Variants in ZNF75D observed in about 807,000 individuals in gnomAD.
ZNF75D encodes the protein zinc finger protein 75D, also known as zinc finger protein 75.
Under a neutral mutation model 33.3 loss-of-function variants are expected in ZNF75D, and 33 were observed. That is an observed-to-expected ratio of 0.99 (90% confidence interval 0.75 to 1.32). The LOEUF (loss-of-function observed/expected upper bound fraction) is 1.32. ZNF75D is among the 40% of genes most tolerant of loss of function. The pLI is 0.00. For synonymous variants in ZNF75D, 113 were observed against 130.6 expected (o/e 0.87, Z 0.92); for missense variants, 338 against 367.5 (o/e 0.92, Z 0.66).
At chrX:135,258,672 T>C in intron 1 of ZNF75D, among the ~76,000 whole-genome samples, 1 of 111,994 alleles carries the variant, frequency 8.9e-6, no homozygotes, top group Non-Finnish European at 1.9e-5. Context: ...TTTCTTTGAG[T>C]TCTTTGTAGA....
chrX:135,258,819 T>C (rs1556414971), intron 1 of ZNF75D, among the ~76,000 whole-genome samples: 1 of 112,380 alleles, frequency 8.9e-6, no homozygotes, highest in Non-Finnish European at 1.9e-5. Flanking sequence ...TTTGTATATT[T>C]TGGCTTTTGT....
intron 1 of ZNF75D, among the ~76,000 whole-genome samples, chrX:135,259,253 G>A (rs912627294): frequency 7.2e-5 from 8 of 111,723 alleles, no homozygotes; most frequent in Non-Finnish European, 1.5e-4. Context: ...TGCTCTCTTG[G>A]CTTAGGATTG....
intron 1 of ZNF75D, among the ~76,000 whole-genome samples, chrX:135,265,685 C>T (rs148179785): frequency 6.8e-4 from 76 of 111,833 alleles, no homozygotes; most frequent in African/African-American, 2.4e-3. Flanking sequence ...TCATAAACAC[C>T]AGGCCTCTAC....
intron 1 of ZNF75D, among the ~76,000 whole-genome samples, chrX:135,308,153 G>A (rs2084311710): frequency 8.9e-6 from 1 of 112,092 alleles, no homozygotes; most frequent in Non-Finnish European, 1.9e-5. Context: ...GGTGATGGTT[G>A]TCAGTATTTG....
At chrX:135,324,939 G>A (rs1276096833) in intron 1 of ZNF75D, among the ~76,000 whole-genome samples, 1 of 110,796 alleles carries the variant, frequency 9.0e-6, no homozygotes, top group Non-Finnish European at 1.9e-5. Context: ...CCTGACCATC[G>A]GCCATGGTGT....
chrX:135,315,452 G>C (rs1556431023), intron 1 of ZNF75D, among the ~76,000 whole-genome samples: 1 of 112,273 alleles, frequency 8.9e-6, no homozygotes, highest in Non-Finnish European at 1.9e-5. Context: ...ACGTCTGTTA[G>C]GTCCATTTGG....
chrX:135,325,138 A>G (rs1481512327), intron 1 of ZNF75D, among the ~76,000 whole-genome samples: 2 of 109,873 alleles, frequency 1.8e-5, no homozygotes, highest in Admixed American at 1.9e-4. Flanking sequence ...GGCTGAGGTG[A>G]CCACATGATA....
chrX:135,274,501 T>A (rs1602588475), intron 1 of ZNF75D, among the ~76,000 whole-genome samples: 1 of 111,969 alleles, frequency 8.9e-6, no homozygotes, highest in East Asian at 2.8e-4. Flanking sequence ...AGTAATTTAA[T>A]GTTAGCTAAA....
At chrX:135,294,395 A>G in intron 2 of ZNF75D, 137 bp from the exon 3 acceptor site, 3 of 297,712 alleles carry the variant, frequency 1.0e-5, no homozygotes, top group Non-Finnish European at 1.8e-5. Context: ...GCCAAGAATT[A>G]GAACATTCAT....
At position 135,291,042 on chromosome X, in the gene ZNF75D, T is replaced by A. The variant is rs149882628; in HGVS notation, c.790A>T (p.Met264Leu). 171 of 1,207,108 alleles carry A rather than the reference T, an allele frequency of 1.4e-4. No homozygotes were observed. The African/African-American group carries it at 2.7e-3, about 19-fold the overall frequency. ...PLEKTLYNDV[M>L]QDIYETVISL... ...ATGACAGTCTCATAGATATCCTGCA[T>A]TACATCATTGTAGAGAGTCTTCTCA... The change falls in exon 6 of 7, where the codon ATG (methionine) becomes TTG (leucine). Residue 264 changes from methionine to leucine, a missense_variant. Met to Leu is a conservative substitution (Grantham distance 15). Coordinates refer to ENST00000370766, the MANE Select transcript of ZNF75D (RefSeq NM_007131.5).
chrX:135,290,825 A>G (rs1407646006), intron 6 of ZNF75D, among the ~76,000 whole-genome samples, 184 bp downstream of exon 6: 1 of 112,539 alleles, frequency 8.9e-6, no homozygotes, highest in East Asian at 2.8e-4. Flanking sequence ...TGCAGAAGTG[A>G]GACAGGTATT....
intron 1 of ZNF75D, among the ~76,000 whole-genome samples, chrX:135,257,638 G>T (rs2083811470): frequency 8.9e-6 from 1 of 112,615 alleles, no homozygotes; most frequent in Non-Finnish European, 1.9e-5. Flanking sequence ...TGCTGTGATG[G>T]CTTCACGTCA....
chrX:135,270,352 C>CATATAT (rs530211370), intron 1 of ZNF75D, among the ~76,000 whole-genome samples: 1,699 of 63,175 alleles, frequency 0.027, 26 homozygotes, highest in Non-Finnish European at 0.04. Flanking sequence ...CAAAATATCT[C>CATATAT]ATATATATAT....
At chrX:135,325,532 G>A (rs1051905996) in intron 1 of ZNF75D, among the ~76,000 whole-genome samples, 12 of 112,032 alleles carry the variant, frequency 1.1e-4, no homozygotes, top group African/African-American at 3.9e-4. Context: ...TGGGCTTGGC[G>A]GGCCCCGCAC....
chrX:135,294,135 C>T lies in ZNF75D; in HGVS notation c.6G>A (p.Ala2=), dbSNP rs782634281. 7 of 1,185,354 alleles carry T rather than the reference C, an allele frequency of 5.9e-6. No homozygotes were observed. The highest frequency in any genetic ancestry group is 4.8e-5 in the Admixed American group (2 of 41,967). The change falls in exon 3 of 7, where the codon GCG becomes GCA. Residue 2 remains alanine (A), a synonymous_variant. Coordinates refer to ENST00000370766, the MANE Select transcript of ZNF75D (RefSeq NM_007131.5). The stretch of plus-strand genomic sequence containing the variant: ...ATGAATCCGCGTTCAGCTCTCTCAT[C>T]GCCATTTGCTCTAGGAACAGTTTTA... M[A]MRELNADSCS... is the part of the protein sequence containing the mutation.
intron 1 of ZNF75D, among the ~76,000 whole-genome samples, chrX:135,318,459 G>C (rs186429039): frequency 9.0e-6 from 1 of 111,237 alleles, no homozygotes; most frequent in East Asian, 2.8e-4. Flanking sequence ...GAAACAGTAG[G>C]ACAATTTGGC....
intron 1 of ZNF75D, among the ~76,000 whole-genome samples, chrX:135,273,787 C>T (rs2083890828): frequency 8.9e-6 from 1 of 111,778 alleles, no homozygotes; most frequent in South Asian, 3.8e-4. Context: ...CTTGCAGTTG[C>T]AATACTGTTT....
chrX:135,283,362 A>G (rs1240238896), downstream of ZNF75D, among the ~76,000 whole-genome samples: 6 of 111,902 alleles, frequency 5.4e-5, no homozygotes, highest in African/African-American at 9.8e-5. Context: ...TGAGAATGGG[A>G]GGGCTTTGCT....
intron 1 of ZNF75D, among the ~76,000 whole-genome samples, chrX:135,337,835 C>T (rs1480606565): frequency 9.0e-6 from 1 of 110,975 alleles, no homozygotes; most frequent in Non-Finnish European, 1.9e-5. Flanking sequence ...AGGATGAGGG[C>T]GTCAGCTCTA....
Sources: gnomAD v4.1 joint callset for allele counts (sites outside exome capture counted in the v4.1 genomes callset) on GRCh38, gnomAD v4.1.1 for gene constraint, MANE v1.5 for transcripts, NCBI Gene and HGNC (gene_info 2026-07-23, HGNC 2026-07-21) for gene names.